HCFC2: variants seen among roughly 807,000 people sequenced by gnomAD.
HCFC2 encodes the protein host cell factor 2.
In HCFC2, 18 loss-of-function variants were observed where a neutral mutation model predicts 89.2. The observed-to-expected ratio is 0.20, with a 90% CI of 0.14 to 0.30. The LOEUF (loss-of-function observed/expected upper bound fraction) is 0.30, where lower values mean the gene tolerates loss of function less well. Ranked by LOEUF, HCFC2 falls within the 10% of genes least tolerant of loss-of-function variation. The probability of loss-of-function intolerance (pLI) is 1.00; values close to 1 mark genes in which losing one functional copy is unlikely to be tolerated. For synonymous variants in HCFC2, 308 were observed against 335.7 expected (o/e 0.92, Z 0.90); for missense variants, 578 against 956.1 (o/e 0.60, Z 5.21).
chr12:104,077,903 G>T (rs1197864064), intron 3 of HCFC2, among the ~76,000 whole-genome samples: 1 of 151,956 alleles, frequency 6.6e-6, no homozygotes, highest in Admixed American at 6.6e-5. Flanking sequence ...TGGTTATTTA[G>T]ATCTCATAAC....
chr12:104,094,525 G>A (rs1433481824), intron 10 of HCFC2, among the ~76,000 whole-genome samples: 7 of 151,996 alleles, frequency 4.6e-5, no homozygotes, highest in South Asian at 2.1e-4. Flanking sequence ...ATAAATATAC[G>A]TCATAGGAAA....
At chr12:104,069,282 G>C (rs774812193) in intron 3 of HCFC2, among the ~76,000 whole-genome samples, 2 of 151,964 alleles carry the variant, frequency 1.3e-5, no homozygotes, top group Non-Finnish European at 2.9e-5. Context: ...CTCCAGCCTG[G>C]GTGACAGAGT....
intron 14 of HCFC2, 90 bp downstream of exon 14, chr12:104,102,243 C>A: frequency 9.0e-7 from 1 of 1,111,066 alleles, no homozygotes; most frequent in Non-Finnish European, 1.3e-6. Context: ...ATTCTTGTTA[C>A]CATCTAATGA....
intron 3 of HCFC2, among the ~76,000 whole-genome samples, chr12:104,071,680 C>G (rs1883331053): frequency 6.6e-6 from 1 of 152,210 alleles, no homozygotes; most frequent in Non-Finnish European, 1.5e-5. Context: ...CTCCACCTCC[C>G]AGGCACAAGT....
Position 104,067,930 on chromosome 12 carries a change from G to A in HCFC2, c.313-17G>A, listed in dbSNP as rs1883200414. ...CTTGATTTTGTCTGACTGTATTTGT[G>A]CCCTTTTTTTTTTTAGGCAAGTCGT... On this transcript the variant is annotated splice_polypyrimidine_tract_variant and intron_variant, in intron 2 of 14. Transcript: ENST00000229330. 6.4e-7 allele frequency: 1 copy of A among 1,567,774 alleles called. No homozygotes were observed. The highest frequency in any genetic ancestry group is 8.6e-7 in the Non-Finnish European group (1 of 1,164,010).
intron 1 of HCFC2, among the ~76,000 whole-genome samples, chr12:104,065,962 G>T (rs1047580457): frequency 1.3e-5 from 2 of 152,052 alleles, no homozygotes; most frequent in African/African-American, 2.4e-5. Flanking sequence ...ATGTTTGGCA[G>T]CATCCCTGCC....
rs1014440935 is a variant in HCFC2 at position 104,095,297 on chromosome 12, G to A, written c.1463-63G>A. ...GTACCAAGAATCATATGACAAGAAC[G>A]ATAAGACACAACAATTATCTGCAGA... On this transcript the variant is annotated intron_variant, in intron 10 of 14. Transcript: ENST00000229330. The surrounding 1 kb of genome is among the most constrained non-coding windows in gnomAD (Gnocchi z 4.2). 25 of 1,266,618 alleles carry A rather than the reference G, an allele frequency of 2.0e-5. No individual in the cohort carries two copies. Among genetic ancestry groups the A allele is most frequent in the African/African-American group, 8.8e-5 (6 of 67,842 alleles). 78.5% of individuals were successfully genotyped at this position (1,266,618 alleles called of 1,614,324 possible). A position where few individuals can be genotyped will look rare whatever the true frequency, so the allele number is the denominator to read the frequency against.
At chr12:104,092,535 G>A (rs948528842) in intron 9 of HCFC2, among the ~76,000 whole-genome samples, 1 of 152,152 alleles carries the variant, frequency 6.6e-6, no homozygotes, top group African/African-American at 2.4e-5. Context: ...CACTTTGGGA[G>A]GCTGAGGTGG....
intron 3 of HCFC2, among the ~76,000 whole-genome samples, chr12:104,075,176 G>A (rs1883454790): frequency 6.8e-6 from 1 of 146,944 alleles, no homozygotes. Context: ...GCAATATAAT[G>A]AGCCCCTGTC....
At chr12:104,067,423 C>T (rs555089893) in intron 2 of HCFC2, among the ~76,000 whole-genome samples, 3 of 152,290 alleles carry the variant, frequency 2.0e-5, no homozygotes, top group African/African-American at 7.2e-5. Context: ...GGTGATCATG[C>T]GGGTATCTGC....
chr12:104,093,533 C>T lies in HCFC2; in HGVS notation c.1432C>T (p.His478Tyr), dbSNP rs1884088887. The part of the protein sequence containing the change: ...LASNASNHNS[H>Y]VVDMLRKNEG... ...ATCAAATGCTTCTAATCATAATAGT[C>T]ATGTGGTGGATATGCTAAGGAAAAA... Residue 478 changes from histidine to tyrosine, a missense_variant, in exon 10 of 15, where the codon CAT becomes TAT. His to Tyr is a moderately conservative substitution (Grantham distance 83, BLOSUM62 2). Transcript: ENST00000229330. The T allele has an allele frequency of 6.2e-7, 1 of 1,611,858 alleles. No homozygotes were observed. The highest frequency in any genetic ancestry group is 8.5e-7 in the Non-Finnish European group (1 of 1,178,970).
intron 3 of HCFC2, among the ~76,000 whole-genome samples, chr12:104,078,124 G>A (rs1056138065): frequency 1.9e-4 from 29 of 151,758 alleles, no homozygotes; most frequent in South Asian, 4.2e-4. Flanking sequence ...TCAGCCTCCC[G>A]AGTAGCTGGG....
intron 13 of HCFC2, among the ~76,000 whole-genome samples, chr12:104,099,437 C>T (rs116280743): frequency 0.015 from 2,283 of 151,992 alleles, 48 homozygotes; most frequent in African/African-American, 0.05. Context: ...ACAAGCATGT[C>T]ATTTAAAAAA....
chr12:104,085,178 ATTT>A (rs1883797227), intron 7 of HCFC2, among the ~76,000 whole-genome samples: 1 of 152,168 alleles, frequency 6.6e-6, no homozygotes, highest in Non-Finnish European at 1.5e-5. Context: ...GAGATTATAC[ATTT>A]TCTTCAAAGC....
rs1415923388 is a variant in HCFC2 at position 104,103,136 on chromosome 12, C to G, written c.2242C>G (p.Leu748Val). The change falls in exon 15 of 15, where the codon CTT becomes GTT. Residue 748 changes from leucine (L) to valine (V), a missense_variant. By Grantham distance (32) the Leu-to-Val change is conservative. Transcript: ENST00000229330. Reference sequence around the variant, plus strand: ...ATCATGTATAGTAACTGCTGGGCAACTTGCAAATGCACATATTGATTATAC... The same window carrying G: ...ATCATGTATAGTAACTGCTGGGCAAGTTGCAAATGCACATATTGATTATAC... ...KTSCIVTAGQ[L>V]ANAHIDYTSR... 2.3e-5 allele frequency: 37 copies of G among 1,614,126 alleles called. No individual in the cohort carries two copies. Among genetic ancestry groups the G allele is most frequent in the Non-Finnish European group, 3.1e-5 (36 of 1,179,982 alleles).
chr12:104,067,920 C>G, intron 2 of HCFC2, 27 bp from the exon 3 acceptor site: 19 of 1,557,456 alleles, frequency 1.2e-5, no homozygotes, highest in Non-Finnish European at 1.6e-5. Context: ...TTTTGTCTGA[C>G]TGTATTTGTG....
At position 104,103,707 on chromosome 12, in the gene HCFC2, T is replaced by C. The variant is rs2030014594; in HGVS notation, c.*434T>C. 1 of 156,758 alleles carries C rather than the reference T, an allele frequency of 6.4e-6. No individual in the cohort carries two copies. Among genetic ancestry groups the C allele is most frequent in the African/African-American group, 2.4e-5 (1 of 41,618 alleles). 9.7% of individuals were successfully genotyped at this position (156,758 alleles called of 1,614,324 possible). A position where few individuals can be genotyped will look rare whatever the true frequency, so the allele number is the denominator to read the frequency against. On this transcript the variant is annotated 3_prime_UTR_variant, in exon 15 of 15. Transcript: ENST00000229330. ...TTGAGTACTCCTTCTATCTTTATTC[T>C]ATATGAGCAGTGTTCCTCTAACAAC...
chr12:104,092,151 G>T (rs17193036), intron 9 of HCFC2, among the ~76,000 whole-genome samples: 7,140 of 152,272 alleles, frequency 0.047, 188 homozygotes, highest in South Asian at 0.11. Flanking sequence ...TATTCACATT[G>T]ATGACTTGAA....
intron 3 of HCFC2, among the ~76,000 whole-genome samples, chr12:104,075,627 T>C (rs1300583855): frequency 2.0e-5 from 3 of 152,090 alleles, no homozygotes; most frequent in African/African-American, 7.2e-5. Context: ...CCTGGCTAAA[T>C]TTTTAAGTTT....
Sources: gnomAD v4.1 joint callset for allele counts (sites outside exome capture counted in the v4.1 genomes callset) on GRCh38, gnomAD v4.1.1 for gene constraint, Gnocchi (gnomAD v3.1) non-coding constraint, MANE v1.5 for transcripts, NCBI Gene and HGNC (gene_info 2026-07-23, HGNC 2026-07-21) for gene names.